Variants in CPE observed in about 807,000 individuals in gnomAD.
CPE encodes the protein carbocypeptidase E.
CPE carries 17 observed loss-of-function variants against 53.5 expected under a neutral mutation model. The ratio of observed to expected loss-of-function variants is 0.32; its 90% CI spans 0.22 to 0.48. The LOEUF is 0.48. Ranked by LOEUF, CPE falls within the 20% of genes least tolerant of loss-of-function variation. CPE has a pLI of 0.99. For synonymous variants in CPE, 226 were observed against 228.8 expected, an observed-to-expected ratio of 0.99 and a Z score of 0.11; for missense variants, 524 against 614.7, an observed-to-expected ratio of 0.85 and a Z score of 1.56.
intron 2 of CPE, among the ~76,000 whole-genome samples, chr4:165,465,491 G>A (rs776709131): frequency 6.6e-6 from 1 of 151,954 alleles, no homozygotes; most frequent in Non-Finnish European, 1.5e-5. Context: ...TATCATTGCT[G>A]TTTTCTGTCT....
intron 1 of CPE, among the ~76,000 whole-genome samples, chr4:165,430,191 A>C (rs917438952): frequency 1.3e-5 from 2 of 152,212 alleles, no homozygotes; most frequent in African/African-American, 4.8e-5. Flanking sequence ...TATTGCTTGT[A>C]AGTAACCATA....
intron 3 of CPE, among the ~76,000 whole-genome samples, chr4:165,479,923 C>T (rs1732373215): frequency 6.8e-6 from 1 of 147,956 alleles, no homozygotes; most frequent in African/African-American, 2.5e-5. Flanking sequence ...ACCCGGGAGG[C>T]GGAGCTTGCA....
Position 165,442,034 on chromosome 4 carries a change from TTGTTTTTTTTTTG to T in CPE, c.308-22354_308-22342del, listed in dbSNP as rs1397000563. On this transcript the variant is annotated intron_variant, in intron 1 of 8. Coordinates refer to ENST00000402744, the MANE Select transcript of CPE (RefSeq NM_001873.4). ...AAGACGGTGAGTTTGTTTTTTTTTT[TTGTTTTTTTTTTG>T]TTTTTTTTTTTTTGAGACAGGGTCT... is the stretch of plus-strand genomic sequence containing the variant. Among the ~76,000 whole-genome samples, 93 of 98,830 alleles carry T rather than the reference TTGTTTTTTTTTTG, an allele frequency of 9.4e-4. 4 individuals carry two copies. The highest frequency in any genetic ancestry group is 1.7e-3 in the East Asian group (5 of 2,998). 64.8% of individuals were successfully genotyped at this position (98,830 alleles called of 152,430 possible).
chr4:165,415,774 C>T (rs1274154445), intron 1 of CPE, among the ~76,000 whole-genome samples: 1 of 145,384 alleles, frequency 6.9e-6, no homozygotes, highest in Admixed American at 6.9e-5. Flanking sequence ...TACATACATA[C>T]ATATAGTACA....
At chr4:165,437,165 G>A (rs896888572) in intron 1 of CPE, among the ~76,000 whole-genome samples, 12 of 152,150 alleles carry the variant, frequency 7.9e-5, no homozygotes, top group African/African-American at 2.9e-4. Context: ...TATTGGTCTG[G>A]CTGGGGTCAC....
intron 1 of CPE, among the ~76,000 whole-genome samples, chr4:165,389,854 T>C (rs1423645939): frequency 6.6e-6 from 1 of 152,212 alleles, no homozygotes; most frequent in East Asian, 1.9e-4. Context: ...TAAAGTGAAA[T>C]GTCTTCTCAT....
At chr4:165,454,584 T>A (rs926806868) in intron 1 of CPE, among the ~76,000 whole-genome samples, 1 of 152,232 alleles carries the variant, frequency 6.6e-6, no homozygotes, top group African/African-American at 2.4e-5. Flanking sequence ...CTAGAACTGT[T>A]TGACATTCTC....
chr4:165,420,042 AT>A (rs919712790), intron 1 of CPE, among the ~76,000 whole-genome samples: 12 of 151,346 alleles, frequency 7.9e-5, no homozygotes, highest in Non-Finnish European at 1.3e-4. Flanking sequence ...TTCCCACCTA[AT>A]TTTTTTTTCA....
Position 165,379,607 on chromosome 4 carries a change from A to G in CPE, c.307+79A>G. On this transcript the variant is annotated intron_variant, in intron 1 of 8. Coordinates refer to ENST00000402744, the MANE Select transcript of CPE (RefSeq NM_001873.4). The surrounding 1 kb of genome is among the most constrained non-coding windows in gnomAD (Gnocchi z 6.0). Reference sequence around the variant, plus strand: ...AGGGTGGGACTGGTGGCGGTGGGGGAAGGAGGGAGGGATGGGCCCAGGGGT... The same window carrying G: ...AGGGTGGGACTGGTGGCGGTGGGGGGAGGAGGGAGGGATGGGCCCAGGGGT... The G allele has an allele frequency of 9.6e-7, 1 of 1,042,212 alleles. No homozygotes were observed. The highest frequency in any genetic ancestry group is 1.3e-6 in the Non-Finnish European group (1 of 770,058). 64.6% of individuals were successfully genotyped at this position (1,042,212 alleles called of 1,614,324 possible).
At chr4:165,406,044 C>G (rs1264611120) in intron 1 of CPE, 1 of 758,476 alleles carries the variant, frequency 1.3e-6, no homozygotes. Context: ...ATATCAGCAC[C>G]TACAATAAAG....
chr4:165,456,380 G>A (rs1201596970), intron 1 of CPE, among the ~76,000 whole-genome samples: 1 of 152,060 alleles, frequency 6.6e-6, no homozygotes, highest in Admixed American at 6.5e-5. Context: ...ATGATGCAGT[G>A]CTTTGGAAAA....
chr4:165,406,280 A>ACCT, intron 1 of CPE: 1 of 609,222 alleles, frequency 1.6e-6, no homozygotes, highest in Admixed American at 2.1e-5. Flanking sequence ...GGCGTATATA[A>ACCT]CCTTGGGAGC....
chr4:165,469,419 G>A (rs1375784040), intron 3 of CPE, among the ~76,000 whole-genome samples: 2 of 152,122 alleles, frequency 1.3e-5, no homozygotes, highest in African/African-American at 2.4e-5. Flanking sequence ...GCTGCCGGCT[G>A]GTTTATTCCT....
chr4:165,387,603 G>A (rs1265080234), intron 1 of CPE, among the ~76,000 whole-genome samples: 4 of 152,140 alleles, frequency 2.6e-5, no homozygotes, highest in Non-Finnish European at 5.9e-5. Flanking sequence ...GAGGTCGGGA[G>A]TTCAAGACCA....
chr4:165,382,859 A>G (rs1730525265), intron 1 of CPE, among the ~76,000 whole-genome samples: 1 of 152,258 alleles, frequency 6.6e-6, no homozygotes, highest in Non-Finnish European at 1.5e-5. Flanking sequence ...GAATTCATCA[A>G]AAGGCAAAGC....
intron 1 of CPE, among the ~76,000 whole-genome samples, chr4:165,462,346 G>T (rs1383255304): frequency 2.0e-5 from 3 of 152,124 alleles, no homozygotes; most frequent in Non-Finnish European, 4.4e-5. Flanking sequence ...ATTAAAAAAA[G>T]ATTTAAACAC....
At chr4:165,404,832 G>A in intron 1 of CPE, 1 of 765,732 alleles carries the variant, frequency 1.3e-6, no homozygotes, top group Non-Finnish European at 2.4e-6. Context: ...ATCATCTCCA[G>A]CAGCTGCATC....
intron 1 of CPE, chr4:165,405,416 C>T: frequency 2.2e-6 from 2 of 922,918 alleles, no homozygotes; most frequent in Middle Eastern, 3.2e-4. Context: ...ACCAGCATCG[C>T]TCCCTTGCTC....
At chr4:165,404,613 C>T (rs748363088) in intron 1 of CPE, 16 of 1,118,362 alleles carry the variant, frequency 1.4e-5, no homozygotes, top group Non-Finnish European at 2.1e-5. Context: ...GCGGCACCCA[C>T]AGGAAGGCCA....
Sources: gnomAD v4.1 joint callset for allele counts (sites outside exome capture counted in the v4.1 genomes callset) on GRCh38, gnomAD v4.1.1 for gene constraint, Gnocchi (gnomAD v3.1) non-coding constraint, MANE v1.5 for transcripts, NCBI Gene and HGNC (gene_info 2026-07-23, HGNC 2026-07-21) for gene names.